The following UNC13B variants were observed in gnomAD, a reference collection of about 807,000 sequenced individuals.
UNC13B encodes the protein unc-13 homolog B.
UNC13B carries 144 observed loss-of-function variants against 211.0 expected under a neutral mutation model. That is an observed-to-expected ratio of 0.68 (90% CI 0.60 to 0.78). The LOEUF is 0.78. Ranked by LOEUF, UNC13B falls within the 30% of genes least tolerant of loss-of-function variation. The pLI, the probability that UNC13B is intolerant of heterozygous loss-of-function variation, is 0.00. For missense variants in UNC13B, 1,777 were observed against 2,002.0 expected, an observed-to-expected ratio of 0.89 and a Z score of 2.14; for synonymous variants, 709 against 725.8, an observed-to-expected ratio of 0.98 and a Z score of 0.37.
At chr9:35,261,766 C>T (rs568242499) in intron 7 of UNC13B, among the ~76,000 whole-genome samples, 1 of 152,140 alleles carries the variant, frequency 6.6e-6, no homozygotes, top group East Asian at 1.9e-4. Flanking sequence ...TCTCCTCTTA[C>T]CCCTAACTCC....
At position 35,301,280 on chromosome 9, in the gene UNC13B, AC is replaced by A; in HGVS notation, c.1877del (p.Thr626MetfsTer26). The A allele has an allele frequency of 2.5e-6, 1 of 398,832 alleles. No homozygotes were observed. 24.7% of individuals were successfully genotyped at this position (398,832 alleles called of 1,614,324 possible). On this transcript the variant is annotated frameshift_variant, in exon 9 of 40. Transcript: ENST00000635942. LOFTEE classifies it high-confidence loss of function. ...TSENEHMGNKTGSLYFQNTTE... is the reference protein window; with the variant it reads ...TSENEHMGNKXGSLYFQNTTE... ...TGAAAATGAGCACATGGGTAATAAA[AC>A]TGGGAGTTTATACTTTCAGAATACA...
At position 35,305,659 on chromosome 9, in the gene UNC13B, T is replaced by A. The variant is rs527503537; in HGVS notation, c.6255T>A (p.Pro2085=). Residue 2085 remains proline, a synonymous_variant, in exon 9 of 40, where the codon CCT becomes CCA. Transcript: ENST00000635942. ...PFRDHLIQQS[P]NSSFSTSSLK... The stretch of plus-strand genomic sequence containing the variant: ...GAGACCATCTAATCCAGCAGTCACC[T>A]AATTCATCTTTTTCAACAAGTAGTC... The A allele has an allele frequency of 2.5e-6, 1 of 399,052 alleles. No individual in the cohort carries two copies. Among genetic ancestry groups the A allele is most frequent in the African/African-American group, 2.1e-5 (1 of 48,774 alleles). The allele number at this position is 399,052 out of a possible 1,614,324, so 24.7% of individuals were successfully genotyped here.
intron 7 of UNC13B, among the ~76,000 whole-genome samples, chr9:35,276,013 A>G (rs1314511741): frequency 6.6e-6 from 1 of 152,134 alleles, no homozygotes; most frequent in Non-Finnish European, 1.5e-5. Flanking sequence ...GATTTATTTA[A>G]AAGCCACAGG....
Position 35,240,299 on chromosome 9 carries a change from T to G in UNC13B, c.394+2473T>G, listed in dbSNP as rs541489432. On this transcript the variant is annotated intron_variant, in intron 5 of 39. Transcript: ENST00000635942. ...TATTAGTTTTATTTTAATTTTTTAC[T>G]GTTCATATTATTGATATTTGCATAT... 3.9e-5 allele frequency among the ~76,000 whole-genome samples: 6 copies of G among 152,348 alleles called. 1 individual carries two copies. In the South Asian group the frequency reaches 1.0e-3, roughly 26 times the overall value.
At position 35,304,621 on chromosome 9, in the gene UNC13B, A is replaced by T. The variant is rs1433381412; in HGVS notation, c.5217A>T (p.Ser1739=). ...LVHPENMTKG[S]QQAEETSLVN... is the part of the protein sequence containing the mutation. ...ATCCTGAAAATATGACTAAAGGCTC[A>T]CAACAAGCAGAAGAGACATCATTAG... Residue 1739 remains serine, a synonymous_variant, in exon 9 of 40, where the codon TCA becomes TCT. Coordinates refer to ENST00000635942, the MANE Select transcript of UNC13B (RefSeq NM_001371189.2). 7 of 398,682 alleles carry T rather than the reference A, an allele frequency of 1.8e-5. No homozygotes were observed. Among genetic ancestry groups the T allele is most frequent in the African/African-American group, 4.1e-5 (2 of 48,594 alleles). 24.7% of individuals were successfully genotyped at this position (398,682 alleles called of 1,614,324 possible).
chr9:35,364,432 C>T, intron 11 of UNC13B: 2 of 1,177,778 alleles, frequency 1.7e-6, no homozygotes, highest in Admixed American at 2.2e-5. Flanking sequence ...GAGGACCTCT[C>T]CCTCTCTTCC....
chr9:35,337,800 A>G (rs1182739682), intron 11 of UNC13B, among the ~76,000 whole-genome samples: 1 of 152,252 alleles, frequency 6.6e-6, no homozygotes, highest in South Asian at 2.1e-4. Flanking sequence ...AGAATTCTCC[A>G]GATTTGGGTT....
At chr9:35,324,706 G>T (rs1490219764) in intron 11 of UNC13B, among the ~76,000 whole-genome samples, 1 of 152,110 alleles carries the variant, frequency 6.6e-6, no homozygotes, top group Non-Finnish European at 1.5e-5. Context: ...TCTTTGATCT[G>T]TCTTCAGTCT....
intron 8 of UNC13B, 49 bp downstream of exon 8, chr9:35,295,979 T>C (rs764497835): frequency 7.9e-6 from 12 of 1,521,566 alleles, no homozygotes; most frequent in African/African-American, 4.1e-5. Flanking sequence ...CCAGGTCTCA[T>C]GATGCAATTG....
intron 9 of UNC13B, 92 bp from the exon 10 acceptor site, chr9:35,310,375 A>G: frequency 7.5e-7 from 1 of 1,332,822 alleles, no homozygotes; most frequent in Middle Eastern, 1.9e-4. Flanking sequence ...TCTTGCTACT[A>G]ATGTAGTCAT....
chr9:35,208,079 T>TC (rs1564068555), intron 1 of UNC13B, among the ~76,000 whole-genome samples: 4 of 152,220 alleles, frequency 2.6e-5, no homozygotes, highest in African/African-American at 9.6e-5. Context: ...TATCAGCCAG[T>TC]AGATAACTGT....
chr9:35,184,438 G>C (rs1333866555), intron 1 of UNC13B, among the ~76,000 whole-genome samples: 1 of 152,196 alleles, frequency 6.6e-6, no homozygotes, highest in Non-Finnish European at 1.5e-5. Context: ...TTGAGTGAGC[G>C]AGACTCCGTC....
At chr9:35,361,840 A>G (rs568258810) in intron 11 of UNC13B, 2 of 152,328 alleles carry the variant, frequency 1.3e-5, no homozygotes, top group East Asian at 3.9e-4. Flanking sequence ...GTCTTAGGGA[A>G]TATGCCTGAG....
chr9:35,375,986 A>G (rs756132888), intron 14 of UNC13B, 42 bp from the exon 15 acceptor site: 10 of 1,607,488 alleles, frequency 6.2e-6, no homozygotes, highest in African/African-American at 1.3e-5. Flanking sequence ...TCTCAAAACA[A>G]ACAAAAAACA....
intron 12 of UNC13B, among the ~76,000 whole-genome samples, chr9:35,368,106 G>T (rs1047519649): frequency 1.3e-5 from 2 of 152,068 alleles, no homozygotes; most frequent in African/African-American, 4.8e-5. Flanking sequence ...ACATGTGCAG[G>T]TTTGTTATAT....
rs1366180537 is a variant in UNC13B, at chr9:35,304,839, T to TG, written c.5437dup (p.Glu1813GlyfsTer6). 3.0e-5 allele frequency: 12 copies of TG among 398,810 alleles called. No homozygotes were observed. The East Asian group carries it at 4.3e-4, about 14-fold the overall frequency. 24.7% of individuals were successfully genotyped at this position (398,810 alleles called of 1,614,324 possible). Reference sequence around the variant, plus strand: ...CAATTAGAGGGTAACTCCCCAAATGTGGAAAAAAGTCTTCTTAAGGATTCA... The same window carrying TG: ...CAATTAGAGGGTAACTCCCCAAATGTGGGAAAAAAGTCTTCTTAAGGATTCA... On this transcript the variant is annotated frameshift_variant, in exon 9 of 40. Transcript: ENST00000635942. LOFTEE classifies it high-confidence loss of function.
chr9:35,198,682 A>AT (rs2131367251), intron 1 of UNC13B, among the ~76,000 whole-genome samples: 1 of 152,254 alleles, frequency 6.6e-6, no homozygotes, highest in South Asian at 2.1e-4. Context: ...ACTGTCTTAG[A>AT]GACTTGTTAA....
chr9:35,375,254 T>C, intron 14 of UNC13B, 53 bp downstream of exon 14: 8 of 1,563,698 alleles, frequency 5.1e-6, no homozygotes, highest in South Asian at 1.1e-5. Context: ...CTGGTGATCA[T>C]CTCTGTAGCC....
At position 35,202,363 on chromosome 9, in the gene UNC13B, G is replaced by T. The variant is rs373068534; in HGVS notation, c.23-25652G>T. 6.6e-4 allele frequency among the ~76,000 whole-genome samples: 101 copies of T among 152,220 alleles called. 2 individuals are homozygous for T. In the South Asian group the frequency reaches 0.02, roughly 31 times the overall value. On this transcript the variant is annotated intron_variant, in intron 1 of 39. Transcript: ENST00000635942. ...TAGACGTCTATTAGGTCCGCTTGGT[G>T]CAGAGTTCAATTCTTGGTGAGTTCA...
Sources: allele counts gnomAD v4.1 joint callset (sites outside exome capture counted in the v4.1 genomes callset), GRCh38; gene constraint gnomAD v4.1.1; transcripts MANE v1.5; gene names NCBI Gene and HGNC (gene_info 2026-07-23, HGNC 2026-07-21).